The following SAMD4B variants were observed in gnomAD, a reference collection of about 807,000 sequenced individuals.
SAMD4B encodes the protein protein Smaug homolog 2.
In SAMD4B, 5 loss-of-function variants were observed where a neutral mutation model predicts 74.5. The observed-to-expected ratio is 0.07, with a 90% confidence interval of 0.04 to 0.14. The LOEUF (loss-of-function observed/expected upper bound fraction) is 0.14, where lower values mean the gene tolerates loss of function less well. Among genes scored for constraint, SAMD4B ranks in the 10% least tolerant of loss-of-function variants. The pLI, the probability that SAMD4B is intolerant of heterozygous loss-of-function variation, is 1.00. For missense variants in SAMD4B, 608 were observed against 921.8 expected, an observed-to-expected ratio of 0.66 and a Z score of 4.41; for synonymous variants, 373 against 374.9, an observed-to-expected ratio of 1.00 and a Z score of 0.06.
chr19:39,361,156 ACTT>A (rs1308458547), intron 3 of SAMD4B, among the ~76,000 whole-genome samples: 1 of 152,158 alleles, frequency 6.6e-6, no homozygotes, highest in Non-Finnish European at 1.5e-5. Flanking sequence ...CAAGCATACT[ACTT>A]TCTTTTGGGA....
intron 1 of SAMD4B, among the ~76,000 whole-genome samples, chr19:39,353,636 C>G (rs2076179550): frequency 6.6e-6 from 1 of 152,152 alleles, no homozygotes; most frequent in South Asian, 2.1e-4. Context: ...GAATCCCGCT[C>G]TGTCACCCAG....
At chr19:39,386,500 T>TCTCTTCTGTCTCCATCTCCTCTTC, downstream of SAMD4B, 1 of 1,614,110 alleles carries the variant, frequency 6.2e-7, no homozygotes, top group Non-Finnish European at 8.5e-7. The surrounding 1 kb of genome is among the most constrained non-coding windows in gnomAD (Gnocchi z 6.1). Flanking sequence ...CCAGCTTCTT[T>TCTCTTCTGTCTCCATCTCCTCTTC]CTCTTCTGTC....
chr19:39,388,578 T>TC, downstream of SAMD4B: 1 of 1,613,994 alleles, frequency 6.2e-7, no homozygotes, highest in Non-Finnish European at 8.5e-7. Context: ...TGGTGCATAG[T>TC]CCATCTCCTC....
chr19:39,376,870 T>TCCGAGGAGTCTGGAGG, intron 7 of SAMD4B, 79 bp downstream of exon 7: 1 of 1,235,116 alleles, frequency 8.1e-7, no homozygotes, highest in Non-Finnish European at 1.2e-6. Context: ...TGAGTTGGCC[T>TCCGAGGAGTCTGGAGG]CCAGACTCCT....
At chr19:39,388,237 G>T, downstream of SAMD4B, 1 of 1,165,146 alleles carries the variant, frequency 8.6e-7, no homozygotes, top group Non-Finnish European at 1.3e-6. Context: ...CAATGCATAT[G>T]ACAAATTCTT....
At chr19:39,374,568 G>T (rs148999137) in intron 4 of SAMD4B, among the ~76,000 whole-genome samples, 1 of 152,148 alleles carries the variant, frequency 6.6e-6, no homozygotes, top group East Asian at 1.9e-4. Context: ...CAGGCTGGGC[G>T]CAGTGGCTCA....
intron 3 of SAMD4B, among the ~76,000 whole-genome samples, chr19:39,361,448 C>G (rs2076642654): frequency 6.6e-6 from 1 of 150,826 alleles, no homozygotes; most frequent in African/African-American, 2.4e-5. Context: ...AACCCCGTCT[C>G]TACTAAAAAT....
downstream of SAMD4B, chr19:39,389,231 C>T: frequency 6.2e-7 from 1 of 1,607,444 alleles, no homozygotes; most frequent in Non-Finnish European, 8.5e-7. The surrounding 1 kb of genome is among the most constrained non-coding windows in gnomAD (Gnocchi z 5.3). Flanking sequence ...TTAGGGGCCA[C>T]TGGACACACC....
At chr19:39,356,032 C>G (rs992004884) in intron 2 of SAMD4B, among the ~76,000 whole-genome samples, 1 of 152,160 alleles carries the variant, frequency 6.6e-6, no homozygotes, top group African/African-American at 2.4e-5. Context: ...GTGAGATTCC[C>G]TCAGCCTGTT....
chr19:39,365,619 C>G (rs138971881), intron 3 of SAMD4B, among the ~76,000 whole-genome samples: 1 of 152,310 alleles, frequency 6.6e-6, no homozygotes, highest in Non-Finnish European at 1.5e-5. Context: ...TTAATGGGCT[C>G]TGTCACTTAG....
chr19:39,354,754 T>C (rs1340936582), intron 2 of SAMD4B, among the ~76,000 whole-genome samples: 1 of 152,196 alleles, frequency 6.6e-6, no homozygotes, highest in African/African-American at 2.4e-5. Flanking sequence ...GGAGCCAGCT[T>C]CTAGGGGAAG....
chr19:39,343,968 T>C (rs976764419), intron 1 of SAMD4B, among the ~76,000 whole-genome samples: 2 of 128,016 alleles, frequency 1.6e-5, no homozygotes, highest in Non-Finnish European at 3.2e-5. Context: ...CCCTCTGATA[T>C]GCAGGTTTTC....
At chr19:39,344,260 A>G (rs900233210) in intron 1 of SAMD4B, among the ~76,000 whole-genome samples, 25 of 151,938 alleles carry the variant, frequency 1.6e-4, no homozygotes, top group Admixed American at 6.6e-5. Context: ...AAAGTCCTAT[A>G]ATTCTTTCTG....
intron 1 of SAMD4B, among the ~76,000 whole-genome samples, chr19:39,346,365 G>A (rs529453467): frequency 3.9e-5 from 6 of 152,250 alleles, no homozygotes; most frequent in African/African-American, 1.4e-4. Flanking sequence ...CAAAGACAAA[G>A]CCTCCTCATC....
intron 12 of SAMD4B, 147 bp downstream of exon 12, chr19:39,381,260 A>G (rs1192048485): frequency 9.8e-6 from 9 of 922,176 alleles, no homozygotes; most frequent in South Asian, 5.9e-5. Flanking sequence ...ATCTCCCCCA[A>G]TTGTGGGGGG....
chr19:39,385,872 T>A (rs1161799953), downstream of SAMD4B: 1 of 1,443,964 alleles, frequency 6.9e-7, no homozygotes, highest in South Asian at 1.3e-5. Context: ...TTGACTTTAT[T>A]AACAGCAAAG....
chr19:39,385,671 G>GAA lies in SAMD4B; in HGVS notation c.*2155_*2156dup, dbSNP rs961330342. 5.9e-4 allele frequency: 263 copies of GAA among 445,598 alleles called. No individual in the cohort carries two copies. Among genetic ancestry groups the GAA allele is most frequent in the South Asian group, 2.1e-3 (60 of 29,090 alleles). 27.6% of individuals were successfully genotyped at this position (445,598 alleles called of 1,614,324 possible). Reference sequence around the variant, plus strand: ...TGTTTAATGGTCTGGGCTTATTTTGGAAAAAAAAAAAACAAACAAAAAAAA... The same window carrying GAA: ...TGTTTAATGGTCTGGGCTTATTTTGGAAAAAAAAAAAAAACAAACAAAAAAAA... On this transcript the variant is annotated 3_prime_UTR_variant, in exon 14 of 14. Transcript: ENST00000610417.
intron 3 of SAMD4B, among the ~76,000 whole-genome samples, chr19:39,361,309 C>G (rs999105524): frequency 1.3e-5 from 2 of 152,158 alleles, no homozygotes; most frequent in Admixed American, 6.6e-5. Flanking sequence ...TCAGTTGGTT[C>G]ACTAGTCCCC....
intron 1 of SAMD4B, chr19:39,351,841 G>T (rs1465393320): frequency 1.3e-5 from 2 of 152,156 alleles, no homozygotes; most frequent in African/African-American, 4.8e-5. Flanking sequence ...ATCCAGAGAG[G>T]ACTATCCTTG....
Sources: allele counts gnomAD v4.1 joint callset (sites outside exome capture counted in the v4.1 genomes callset), GRCh38; gene constraint gnomAD v4.1.1; non-coding constraint Gnocchi (gnomAD v3.1); transcripts MANE v1.5; gene names NCBI Gene and HGNC (gene_info 2026-07-23, HGNC 2026-07-21).